Variants in EPHX1 observed in about 807,000 individuals in gnomAD.
EPHX1 encodes epoxide hydratase.
Under a neutral mutation model 43.2 loss-of-function variants are expected in EPHX1, and 40 were observed. That is an observed-to-expected ratio of 0.93 (90% confidence interval 0.72 to 1.21). EPHX1 has a LOEUF of 1.21. Ranked by LOEUF, EPHX1 falls within the 50% of genes most tolerant of loss-of-function variation. EPHX1 has a pLI of 0.00. For missense variants in EPHX1, 550 were observed against 570.4 expected (o/e 0.96, Z 0.36); for synonymous variants, 221 against 226.7 (o/e 0.98, Z 0.22).
At position 225,811,895 on chromosome 1, in the gene EPHX1, A is replaced by G. The variant is rs1413474686; in HGVS notation, c.-6+1726A>G. 2.0e-5 allele frequency among the ~76,000 whole-genome samples: 3 copies of G among 152,236 alleles called. No individual in the cohort carries two copies. In the East Asian group the frequency reaches 5.8e-4, roughly 29 times the overall value. On this transcript the variant is annotated intron_variant, in intron 1 of 8. Transcript: ENST00000272167. ...TCGTGGGATTTGCAGTTCTAGGGGC[A>G]GAGGGATAATAAACAAAATACATTT...
At chr1:225,842,540 C>A (rs1455089746) in intron 7 of EPHX1, 66 bp downstream of exon 7, 2 of 1,130,084 alleles carry the variant, frequency 1.8e-6, no homozygotes, top group African/African-American at 1.5e-5. Flanking sequence ...TCACCCTCTT[C>A]ATCCCCTTGT....
chr1:225,825,505 G>A (rs1393598831), intron 1 of EPHX1: 1 of 152,216 alleles, frequency 6.6e-6, no homozygotes, highest in African/African-American at 2.4e-5. Context: ...ATATCCTAGA[G>A]GGAAGCGACA....
At chr1:225,826,950 G>A (rs898875001) in intron 1 of EPHX1, among the ~76,000 whole-genome samples, 1 of 152,056 alleles carries the variant, frequency 6.6e-6, no homozygotes, top group African/African-American at 2.4e-5. Context: ...GAGGTGGGGG[G>A]TGCCAAGCTG....
intron 3 of EPHX1, among the ~76,000 whole-genome samples, chr1:225,834,886 C>T (rs1667868589): frequency 6.6e-6 from 1 of 152,146 alleles, no homozygotes; most frequent in Non-Finnish European, 1.5e-5. Flanking sequence ...AGGCATTCTG[C>T]TGGGGCTGGG....
intron 5 of EPHX1, 58 bp downstream of exon 5, chr1:225,839,404 C>G: frequency 8.7e-7 from 1 of 1,147,872 alleles, no homozygotes; most frequent in South Asian, 1.7e-5. Context: ...TGTGTGTGTC[C>G]TCTAAGAAGT....
chr1:225,844,364 C>A, intron 7 of EPHX1, 134 bp from the exon 8 acceptor site: 1 of 1,382,078 alleles, frequency 7.2e-7, no homozygotes, highest in Non-Finnish European at 1.0e-6. Flanking sequence ...CACGAGGATA[C>A]CACACACGTT....
chr1:225,839,776 C>G, intron 5 of EPHX1, 53 bp from the exon 6 acceptor site: 1 of 1,575,722 alleles, frequency 6.3e-7, no homozygotes, highest in African/African-American at 1.3e-5. Context: ...TCTCCTCTCT[C>G]CCTGTCCTTG....
chr1:225,823,963 G>A (rs1200396548), intron 1 of EPHX1, among the ~76,000 whole-genome samples: 1 of 152,176 alleles, frequency 6.6e-6, no homozygotes, highest in South Asian at 2.1e-4. Flanking sequence ...CAGCCCTGGC[G>A]AGGGAGCCCA....
In EPHX1 at chr1:225,826,943, G is replaced by T. The variant is rs147418180; in HGVS notation, c.-5-1782G>T. Among the ~76,000 whole-genome samples, 7 of 152,236 alleles carry T rather than the reference G, an allele frequency of 4.6e-5. No individual in the cohort carries two copies. The East Asian group carries it at 1.2e-3, about 25-fold the overall frequency. Reference sequence around the variant, plus strand: ...TGGGATCACTGATAGAAACGCGGAGGTGGGGGGTGCCAAGCTGATTTTCCT... The same window carrying T: ...TGGGATCACTGATAGAAACGCGGAGTTGGGGGGTGCCAAGCTGATTTTCCT... On this transcript the variant is annotated intron_variant, in intron 1 of 8. Coordinates refer to ENST00000272167, the MANE Select transcript of EPHX1 (RefSeq NM_001136018.4).
At chr1:225,818,312 G>A (rs971303010) in intron 1 of EPHX1, among the ~76,000 whole-genome samples, 2 of 152,194 alleles carry the variant, frequency 1.3e-5, no homozygotes, top group Non-Finnish European at 2.9e-5. Flanking sequence ...CCAGATGGGA[G>A]CCAAAGCAGA....
chr1:225,845,292 C>A lies in EPHX1; in HGVS notation c.1313C>A (p.Pro438Gln). 1 of 1,612,804 alleles carries A rather than the reference C, an allele frequency of 6.2e-7. No individual in the cohort carries two copies. The highest frequency in any genetic ancestry group is 8.5e-7 in the Non-Finnish European group (1 of 1,180,006). ...GGCCACTTTGCGGCCTTTGAGGAGC[C>A]GGAGCTGCTCGCCCAGGACATCCGC... ...RGGHFAAFEE[P>Q]ELLAQDIRKF... The change falls in exon 9 of 9, where the codon CCG becomes CAG. Residue 438 changes from proline (P) to glutamine (Q), a missense_variant. By Grantham distance (76) the Pro-to-Gln change is moderately conservative. Transcript: ENST00000272167.
In EPHX1 at chr1:225,828,893, C is replaced by T. The variant is rs747187208; in HGVS notation, c.164C>T (p.Thr55Met). The part of the protein sequence containing the change: ...DDSIRPFKVE[T>M]SDEEIHDLHQ... ...AGCATCCGCCCTTTCAAGGTGGAAACGTCAGATGAGGAGATCCACGTAAGG... is the reference window on the plus strand; with the variant it reads ...AGCATCCGCCCTTTCAAGGTGGAAATGTCAGATGAGGAGATCCACGTAAGG... The change falls in exon 2 of 9, where the codon ACG becomes ATG. Residue 55 changes from threonine to methionine, a missense_variant. Coordinates refer to ENST00000272167, the MANE Select transcript of EPHX1 (RefSeq NM_001136018.4). 1.1e-5 allele frequency: 18 copies of T among 1,583,942 alleles called. No individual in the cohort carries two copies. The South Asian group carries it at 1.9e-4, about 17-fold the overall frequency.
intron 1 of EPHX1, among the ~76,000 whole-genome samples, chr1:225,813,276 A>G (rs889072018): frequency 2.0e-5 from 3 of 152,186 alleles, no homozygotes; most frequent in Non-Finnish European, 2.9e-5. Context: ...GCCCTGAGTC[A>G]AGGCAGGAGG....
chr1:225,824,150 C>T (rs1397008671), intron 1 of EPHX1, among the ~76,000 whole-genome samples: 1 of 152,148 alleles, frequency 6.6e-6, no homozygotes, highest in African/African-American at 2.4e-5. Context: ...CCACCCCCGC[C>T]GCCCCCGCAG....
intron 1 of EPHX1, among the ~76,000 whole-genome samples, chr1:225,819,845 C>A (rs1177984019): frequency 6.6e-6 from 1 of 152,098 alleles, no homozygotes; most frequent in Non-Finnish European, 1.5e-5. Flanking sequence ...ACTTAGCTGC[C>A]AGGGGGCCAA....
chr1:225,815,411 C>CTTTTTTTTTTTTTTTTTTTTTT, intron 1 of EPHX1, among the ~76,000 whole-genome samples: 1 of 78,208 alleles, frequency 1.3e-5, no homozygotes, highest in Non-Finnish European at 2.4e-5. Flanking sequence ...AGCTAATTTT[C>CTTTTTTTTTTTTTTTTTTTTTT]TTTTTTTTTT....
At chr1:225,843,076 C>T (rs1668563108) in intron 7 of EPHX1, among the ~76,000 whole-genome samples, 2 of 152,304 alleles carry the variant, frequency 1.3e-5, no homozygotes, top group African/African-American at 4.8e-5. Flanking sequence ...TGAATCCTGC[C>T]TTGGGGGTAG....
Position 225,839,500 on chromosome 1 carries a change from A to G in EPHX1, c.722+154A>G, listed in dbSNP as rs4149225. ...ACTCAGCAGTGCCTGAGGCACGTTG[A>G]CTTGGATCCTCCTGTCTGTAACCCA... On this transcript the variant is annotated intron_variant, in intron 5 of 8. Transcript: ENST00000272167. Among the ~76,000 whole-genome samples the G allele has an allele frequency of 0.39, 58,829 of 151,580 alleles. 12,224 individuals carry two copies. The highest frequency in any genetic ancestry group is 0.54 in the African/African-American group (22,467 of 41,284).
At chr1:225,839,743 C>T in intron 5 of EPHX1, 86 bp from the exon 6 acceptor site, 2 of 1,422,796 alleles carry the variant, frequency 1.4e-6, no homozygotes, top group Admixed American at 3.3e-5. Flanking sequence ...CTCCTCAGCC[C>T]TGAGGCCTGT....
Sources: allele counts gnomAD v4.1 joint callset (sites outside exome capture counted in the v4.1 genomes callset), GRCh38; gene constraint gnomAD v4.1.1; transcripts MANE v1.5; gene names NCBI Gene and HGNC (gene_info 2026-07-23, HGNC 2026-07-21).